Variants in RIMKLB observed in about 807,000 individuals in gnomAD.
The protein encoded by RIMKLB is beta-citrylglutamate synthase B.
Under a neutral mutation model 32.0 loss-of-function variants are expected in RIMKLB, and 7 were observed. The observed-to-expected ratio is 0.22, with a 90% CI of 0.12 to 0.41. The LOEUF is 0.41. Among genes scored for constraint, RIMKLB ranks in the 10% least tolerant of loss-of-function variants. RIMKLB has a pLI of 1.00. For missense variants in RIMKLB, 289 were observed against 498.7 expected, an observed-to-expected ratio of 0.58 and a Z score of 4.00; for synonymous variants, 172 against 185.1, an observed-to-expected ratio of 0.93 and a Z score of 0.57.
At chr12:8,705,622 A>G (rs758821399) in intron 1 of RIMKLB, among the ~76,000 whole-genome samples, 3 of 152,350 alleles carry the variant, frequency 2.0e-5, no homozygotes, top group Admixed American at 2.0e-4. Context: ...TAGGTATATC[A>G]GTCAGGGTTC....
Position 8,776,309 on chromosome 12 carries a change from T to TAAC in RIMKLB, c.*2525_*2526insAAC. On this transcript the variant is annotated 3_prime_UTR_variant, in exon 6 of 6. Coordinates refer to ENST00000535829, the MANE Select transcript of RIMKLB (RefSeq NM_001297776.2). ...TGAAAAGAGCAGTAGTTATCTTAGA[T>TAAC]TTTAAAAACATGGATATCTTCTTGA... The TAAC allele has an allele frequency of 1.0e-6, 1 of 957,606 alleles. No individual in the cohort carries two copies. The highest frequency in any genetic ancestry group is 1.2e-6 in the Non-Finnish European group (1 of 805,622). 59.3% of individuals were successfully genotyped at this position (957,606 alleles called of 1,614,324 possible).
chr12:8,737,250 CTTT>C (rs545535856), intron 2 of RIMKLB, among the ~76,000 whole-genome samples: 135 of 135,978 alleles, frequency 9.9e-4, no homozygotes, highest in African/African-American at 3.4e-3. Flanking sequence ...TTAATCATGA[CTTT>C]TTTTTTTTTT....
At chr12:8,732,770 C>T (rs979366714) in intron 2 of RIMKLB, among the ~76,000 whole-genome samples, 1 of 151,600 alleles carries the variant, frequency 6.6e-6, no homozygotes. Flanking sequence ...CACACACACA[C>T]ACACACACAC....
chr12:8,742,573 C>T (rs1591835867), intron 2 of RIMKLB: 1 of 343,010 alleles, frequency 2.9e-6, no homozygotes. Context: ...ATGGCATCTG[C>T]ATCATCAATT....
rs1565585585 is a variant in RIMKLB, at chr12:8,728,786, TGTTTTTG to T, written c.175+14746_175+14752del. Among the ~76,000 whole-genome samples, 479 of 151,608 alleles carry T rather than the reference TGTTTTTG, an allele frequency of 3.2e-3. 6 individuals are homozygous for T. Among genetic ancestry groups the T allele is most frequent in the African/African-American group, 0.011 (450 of 41,142 alleles). On this transcript the variant is annotated intron_variant, in intron 2 of 5. Transcript: ENST00000535829. ...AATTGTGTGTGTGTGTGTGTGTGTG[TGTTTTTG>T]TTTGTTTGTTTGTTTGTTTGTTTTT... is the stretch of plus-strand genomic sequence containing the variant.
chr12:8,763,412 GCTTT>G lies in RIMKLB; in HGVS notation c.697+9322_697+9325del, dbSNP rs71451983. On this transcript the variant is annotated intron_variant, in intron 5 of 5. Coordinates refer to ENST00000535829, the MANE Select transcript of RIMKLB (RefSeq NM_001297776.2). ...CGTACATCTGACTAAATGGGTATTG[GCTTT>G]CTGAGTTTCCTTAATTAGTGTATAT... 7.0e-3 allele frequency among the ~76,000 whole-genome samples: 1,061 copies of G among 152,328 alleles called. 9 individuals are homozygous for G. Among genetic ancestry groups the G allele is most frequent in the Non-Finnish European group, 0.012 (835 of 68,026 alleles).
intron 2 of RIMKLB, among the ~76,000 whole-genome samples, chr12:8,716,617 A>AAG (rs931606783): frequency 6.7e-6 from 1 of 150,038 alleles, no homozygotes; most frequent in African/African-American, 2.4e-5. Flanking sequence ...AAGAAAGAGA[A>AAG]AGGAGATCAG....
chr12:8,697,812 G>A (rs1357773412), upstream of RIMKLB: 1 of 148,454 alleles, frequency 6.7e-6, no homozygotes, highest in Admixed American at 6.7e-5. Flanking sequence ...TCGGCGCGCT[G>A]GCCCGGCCCC....
At chr12:8,696,199 T>G (rs917835486), upstream of RIMKLB, among the ~76,000 whole-genome samples, 1 of 152,232 alleles carries the variant, frequency 6.6e-6, no homozygotes, top group Non-Finnish European at 1.5e-5. Flanking sequence ...ACTGTGTTTA[T>G]TTTGTCAGAT....
chr12:8,676,552 C>T, the RIMKLB span, among the ~76,000 whole-genome samples: 3 of 151,472 alleles, frequency 2.0e-5, no homozygotes, highest in African/African-American at 7.3e-5. Context: ...GTGTGCACCA[C>T]CACACCTGAC....
chr12:8,706,864 T>G (rs1462995181), intron 1 of RIMKLB, among the ~76,000 whole-genome samples: 1 of 152,072 alleles, frequency 6.6e-6, no homozygotes, highest in East Asian at 1.9e-4. Context: ...GAGAAAGAAA[T>G]ATCTAGTGGG....
intron 2 of RIMKLB, among the ~76,000 whole-genome samples, chr12:8,733,759 T>A (rs892654734): frequency 6.6e-6 from 1 of 152,182 alleles, no homozygotes; most frequent in Non-Finnish European, 1.5e-5. Flanking sequence ...GGTGCACACC[T>A]GTAGTCCTAG....
intron 3 of RIMKLB, among the ~76,000 whole-genome samples, chr12:8,751,081 A>G (rs140578583): frequency 5.1e-4 from 77 of 152,236 alleles, no homozygotes; most frequent in African/African-American, 1.7e-3. Context: ...ATTGCATAAG[A>G]AGAGACAGAA....
chr12:8,742,580 A>T (rs1321958164), intron 2 of RIMKLB: 3 of 335,678 alleles, frequency 8.9e-6, no homozygotes, highest in Non-Finnish European at 1.7e-5. Flanking sequence ...CTGCATCATC[A>T]ATTTGAAGAG....
intron 1 of RIMKLB, among the ~76,000 whole-genome samples, chr12:8,703,323 G>A (rs1565552957): frequency 6.6e-6 from 1 of 151,980 alleles, no homozygotes; most frequent in East Asian, 1.9e-4. Flanking sequence ...AATGTTGTTT[G>A]GATTCCAGAA....
chr12:8,763,334 G>A (rs1949691122), intron 5 of RIMKLB, among the ~76,000 whole-genome samples: 2 of 152,140 alleles, frequency 1.3e-5, no homozygotes, highest in African/African-American at 4.8e-5. Flanking sequence ...GCTTAACACT[G>A]GGGCTTGGGT....
chr12:8,718,284 G>T (rs975593179), intron 2 of RIMKLB, among the ~76,000 whole-genome samples: 1 of 152,108 alleles, frequency 6.6e-6, no homozygotes, highest in South Asian at 2.1e-4. Context: ...CTCTGAAATA[G>T]AATTGACAAA....
At chr12:8,694,606 C>T (rs1352173335), upstream of RIMKLB, among the ~76,000 whole-genome samples, 1 of 152,028 alleles carries the variant, frequency 6.6e-6, no homozygotes, top group Non-Finnish European at 1.5e-5. Flanking sequence ...GTGGGCCAGG[C>T]TGGTCTCGAA....
upstream of RIMKLB, among the ~76,000 whole-genome samples, chr12:8,676,763 A>C (rs1467514359): frequency 3.3e-5 from 5 of 152,118 alleles, no homozygotes; most frequent in African/African-American, 1.2e-4. Context: ...CTGAATATGC[A>C]ATAGCACATC....
Sources: allele counts gnomAD v4.1 joint callset (sites outside exome capture counted in the v4.1 genomes callset), GRCh38; gene constraint gnomAD v4.1.1; transcripts MANE v1.5; gene names NCBI Gene and HGNC (gene_info 2026-07-23, HGNC 2026-07-21).